SORCS3: variants seen among roughly 807,000 people sequenced by gnomAD.
The protein encoded by SORCS3 is VPS10 domain-containing receptor SorCS3.
SORCS3 carries 57 observed loss-of-function variants against 146.3 expected under a neutral mutation model. That is an observed-to-expected ratio of 0.39 (90% confidence interval 0.31 to 0.49). SORCS3 has a LOEUF of 0.49. Among genes scored for constraint, SORCS3 ranks in the 20% least tolerant of loss-of-function variants. The pLI, the probability that SORCS3 is intolerant of heterozygous loss-of-function variation, is 0.92. For synonymous variants in SORCS3, 653 were observed against 618.5 expected, an observed-to-expected ratio of 1.06 and a Z score of -0.83; for missense variants, 1,341 against 1,575.5, an observed-to-expected ratio of 0.85 and a Z score of 2.52.
intron 3 of SORCS3, among the ~76,000 whole-genome samples, chr10:104,945,420 G>C (rs2019360509): frequency 6.6e-6 from 1 of 151,900 alleles, no homozygotes; most frequent in Non-Finnish European, 1.5e-5. Context: ...ACCACCCCTA[G>C]CTAATTTTTT....
At chr10:104,901,057 T>A (rs2018846203) in intron 2 of SORCS3, among the ~76,000 whole-genome samples, 1 of 152,216 alleles carries the variant, frequency 6.6e-6, no homozygotes, top group Non-Finnish European at 1.5e-5. Flanking sequence ...CCTACTTTTT[T>A]CATGAAGTCT....
At chr10:104,742,080 C>G (rs1034121279) in intron 1 of SORCS3, among the ~76,000 whole-genome samples, 1 of 151,710 alleles carries the variant, frequency 6.6e-6, no homozygotes, top group African/African-American at 2.4e-5. Context: ...TTTTAGCAGG[C>G]TTTCTCTTAT....
At chr10:104,720,022 A>G (rs2133444180) in intron 1 of SORCS3, among the ~76,000 whole-genome samples, 1 of 152,154 alleles carries the variant, frequency 6.6e-6, no homozygotes, top group African/African-American at 2.4e-5. Flanking sequence ...CATGTGCACA[A>G]CGTGCAGGTT....
At chr10:105,146,475 A>G (rs951969250) in intron 8 of SORCS3, among the ~76,000 whole-genome samples, 1 of 152,080 alleles carries the variant, frequency 6.6e-6, no homozygotes, top group African/African-American at 2.4e-5. Context: ...GTAAGAACAT[A>G]TGGATATAGA....
chr10:104,933,423 G>T (rs529185524), intron 3 of SORCS3, among the ~76,000 whole-genome samples: 2 of 152,002 alleles, frequency 1.3e-5, no homozygotes, highest in African/African-American at 2.4e-5. Flanking sequence ...CAGATGGAGG[G>T]AACTGCTTCC....
intron 24 of SORCS3, 55 bp from the exon 25 acceptor site, chr10:105,256,763 TA>T: frequency 7.3e-7 from 1 of 1,366,812 alleles, no homozygotes; most frequent in Non-Finnish European, 1.0e-6. Flanking sequence ...TCCCTCCAGC[TA>T]ACAGCTTCCA....
chr10:104,915,044 G>A (rs1433223827), intron 2 of SORCS3, among the ~76,000 whole-genome samples: 1 of 152,098 alleles, frequency 6.6e-6, no homozygotes, highest in African/African-American at 2.4e-5. Flanking sequence ...TGGCAGGGAG[G>A]TCAACTACTT....
At chr10:105,194,809 C>A (rs552075277) in intron 14 of SORCS3, among the ~76,000 whole-genome samples, 1 of 152,222 alleles carries the variant, frequency 6.6e-6, no homozygotes, top group East Asian at 1.9e-4. Flanking sequence ...GTAAGTTGTT[C>A]TCAAAATACG....
intron 4 of SORCS3, among the ~76,000 whole-genome samples, chr10:105,015,004 A>G (rs1228135971): frequency 6.6e-6 from 1 of 152,248 alleles, no homozygotes. Flanking sequence ...TAAATGGACT[A>G]CGACAGAAAA....
At chr10:105,118,372 G>A (rs1361332127) in intron 7 of SORCS3, among the ~76,000 whole-genome samples, 2 of 152,088 alleles carry the variant, frequency 1.3e-5, no homozygotes, top group South Asian at 2.1e-4. Context: ...CTTCCAAAGT[G>A]GAATTGTGAG....
chr10:105,091,059 C>T (rs1022612973), intron 6 of SORCS3, among the ~76,000 whole-genome samples: 2 of 152,040 alleles, frequency 1.3e-5, no homozygotes, highest in African/African-American at 4.8e-5. Flanking sequence ...TTCTGCCACT[C>T]TGTACTCCTC....
chr10:104,997,819 T>C (rs1338811637), intron 4 of SORCS3, among the ~76,000 whole-genome samples: 4 of 152,154 alleles, frequency 2.6e-5, no homozygotes, highest in Non-Finnish European at 4.4e-5. Flanking sequence ...TTTAAATAAT[T>C]GTACACAATG....
intron 3 of SORCS3, among the ~76,000 whole-genome samples, chr10:104,961,321 C>G (rs570065738): frequency 6.6e-6 from 1 of 152,290 alleles, no homozygotes; most frequent in South Asian, 2.1e-4. Context: ...ATGTCTTCAT[C>G]CTATTTAACC....
chr10:104,647,594 C>T (rs1589445941), intron 1 of SORCS3, among the ~76,000 whole-genome samples: 1 of 152,130 alleles, frequency 6.6e-6, no homozygotes, highest in South Asian at 2.1e-4. Flanking sequence ...TCTTCTCATC[C>T]GTGCCTGGCA....
At chr10:104,674,988 C>A (rs994488930) in intron 1 of SORCS3, among the ~76,000 whole-genome samples, 8 of 152,234 alleles carry the variant, frequency 5.3e-5, no homozygotes, top group African/African-American at 1.9e-4. Context: ...GGCATATATA[C>A]CCAAGGGTAG....
At chr10:104,856,018 A>G (rs1013775786) in intron 2 of SORCS3, among the ~76,000 whole-genome samples, 6 of 152,174 alleles carry the variant, frequency 3.9e-5, no homozygotes, top group Admixed American at 2.0e-4. Flanking sequence ...GATTACAGGC[A>G]TGAGCCACCA....
chr10:105,028,705 G>T (rs2055246051), intron 4 of SORCS3, among the ~76,000 whole-genome samples: 2 of 152,160 alleles, frequency 1.3e-5, no homozygotes, highest in Non-Finnish European at 2.9e-5. Context: ...TGGTCGTGGG[G>T]ATTAACTGGG....
intron 14 of SORCS3, among the ~76,000 whole-genome samples, chr10:105,183,084 A>G (rs2056452829): frequency 6.6e-6 from 1 of 152,172 alleles, no homozygotes; most frequent in African/African-American, 2.4e-5. Flanking sequence ...GTTCATGGCT[A>G]TACAGAAAAG....
At chr10:104,665,050 C>A (rs926443724) in intron 1 of SORCS3, 3 of 152,592 alleles carry the variant, frequency 2.0e-5, no homozygotes, top group African/African-American at 7.2e-5. Context: ...ATAGAGCCTT[C>A]CAGCTGTCTG....
Sources: allele counts gnomAD v4.1 joint callset (sites outside exome capture counted in the v4.1 genomes callset), GRCh38; gene constraint gnomAD v4.1.1; transcripts MANE v1.5; gene names NCBI Gene and HGNC (gene_info 2026-07-23, HGNC 2026-07-21).